TBC1D23: variants seen among roughly 807,000 people sequenced by gnomAD.
TBC1D23 encodes TBC1 domain family member 23, also known as HCV non-structural protein 4A-transactivated protein 1.
A neutral mutation model predicts 91.4 loss-of-function variants in TBC1D23; 55 were observed. The observed-to-expected ratio is 0.60, with a 90% confidence interval of 0.48 to 0.75. The LOEUF (loss-of-function observed/expected upper bound fraction) is 0.75, where lower values mean the gene tolerates loss of function less well. TBC1D23 is among the 30% of genes least tolerant of loss of function. TBC1D23 has a pLI of 0.00. For missense variants in TBC1D23, 725 were observed against 836.1 expected (o/e 0.87, Z 1.64); for synonymous variants, 289 against 281.0 (o/e 1.03, Z -0.28).
chr3:100,293,295 G>A (rs949472205), intron 5 of TBC1D23, among the ~76,000 whole-genome samples: 6 of 152,092 alleles, frequency 3.9e-5, no homozygotes, highest in Admixed American at 1.3e-4. Flanking sequence ...CACCACACCC[G>A]GCTAATTTTT....
intron 9 of TBC1D23, 34 bp from the exon 10 acceptor site, chr3:100,299,205 A>G (rs2148863489): frequency 1.4e-6 from 2 of 1,436,548 alleles, no homozygotes; most frequent in African/African-American, 2.8e-5. Context: ...CCTCATGGGA[A>G]ATTCCTGTAT....
intron 1 of TBC1D23, among the ~76,000 whole-genome samples, chr3:100,278,074 G>A (rs747333602): frequency 1.3e-5 from 2 of 152,176 alleles, no homozygotes; most frequent in Non-Finnish European, 2.9e-5. Flanking sequence ...TCTCTTAGGA[G>A]AGCAACGCTT....
rs1469372767 is a variant in TBC1D23 at position 100,324,275 on chromosome 3, C to T, written c.*607C>T. 1 of 152,118 alleles carries T rather than the reference C, an allele frequency of 6.6e-6. No homozygotes were observed. The highest frequency in any genetic ancestry group is 1.5e-5 in the Non-Finnish European group (1 of 67,992). The allele number at this position is 152,118 out of a possible 1,614,324, so 9.4% of individuals were successfully genotyped here. Reference sequence around the variant, plus strand: ...ATCAGTTTCTAAATCACCTTTGCTCCATTAGCTAATTTTTTGGACACTAAA... The same window carrying T: ...ATCAGTTTCTAAATCACCTTTGCTCTATTAGCTAATTTTTTGGACACTAAA... On this transcript the variant is annotated 3_prime_UTR_variant, in exon 19 of 19. Transcript: ENST00000394144.
At chr3:100,314,875 A>G (rs1363646826) in intron 15 of TBC1D23, among the ~76,000 whole-genome samples, 2 of 152,162 alleles carry the variant, frequency 1.3e-5, no homozygotes, top group Non-Finnish European at 2.9e-5. Flanking sequence ...GAGTGTTTTC[A>G]TGTTACATGC....
intron 16 of TBC1D23, among the ~76,000 whole-genome samples, chr3:100,317,759 A>C (rs1705775924): frequency 1.3e-5 from 2 of 151,998 alleles, no homozygotes; most frequent in Non-Finnish European, 2.9e-5. Flanking sequence ...GGATGAATAA[A>C]TTGTGTCATA....
chr3:100,264,263 CATCCGGGTGT>C (rs960632390), intron 1 of TBC1D23, among the ~76,000 whole-genome samples: 9 of 152,294 alleles, frequency 5.9e-5, no homozygotes, highest in African/African-American at 1.9e-4. Flanking sequence ...GTGCCCCATC[CATCCGGGTGT>C]TCTACTCTGT....
intron 1 of TBC1D23, among the ~76,000 whole-genome samples, chr3:100,268,527 T>C (rs1221130192): frequency 1.3e-5 from 2 of 152,208 alleles, no homozygotes; most frequent in Non-Finnish European, 2.9e-5. Context: ...ATAACAACTA[T>C]GTTTCTGAAA....
intron 2 of TBC1D23, among the ~76,000 whole-genome samples, chr3:100,281,116 C>T (rs971566482): frequency 2.8e-4 from 42 of 152,178 alleles, no homozygotes; most frequent in African/African-American, 9.2e-4. Flanking sequence ...GAGCCGAGAT[C>T]GTGCCACTAT....
chr3:100,290,016 A>G (rs534334273), intron 4 of TBC1D23, among the ~76,000 whole-genome samples: 2 of 152,318 alleles, frequency 1.3e-5, no homozygotes, highest in Non-Finnish European at 2.9e-5. Context: ...TGCTCTCACA[A>G]TAACCCTTAG....
chr3:100,309,213 C>T (rs1332219708), intron 13 of TBC1D23, among the ~76,000 whole-genome samples: 2 of 152,116 alleles, frequency 1.3e-5, no homozygotes, highest in Admixed American at 1.3e-4. Context: ...GAATTATACT[C>T]GCATCTCTTA....
chr3:100,290,504 C>A, intron 4 of TBC1D23, 74 bp from the exon 5 acceptor site: 3 of 1,359,800 alleles, frequency 2.2e-6, no homozygotes, highest in Non-Finnish European at 2.1e-6. Context: ...GAGGGTATAG[C>A]AGGAAGATTG....
chr3:100,282,709 A>T (rs919954684), intron 3 of TBC1D23, among the ~76,000 whole-genome samples: 2 of 152,236 alleles, frequency 1.3e-5, no homozygotes, highest in Non-Finnish European at 2.9e-5. Context: ...CAGAAACATT[A>T]TTGCTGGTGT....
intron 15 of TBC1D23, among the ~76,000 whole-genome samples, chr3:100,315,154 C>CTT (rs397705981): frequency 8.4e-4 from 62 of 73,660 alleles, no homozygotes; most frequent in South Asian, 1.8e-3. Flanking sequence ...GAGGCAGATT[C>CTT]TTTTTTTTTT....
intron 1 of TBC1D23, among the ~76,000 whole-genome samples, chr3:100,274,894 A>C (rs1028572566): frequency 4.9e-4 from 64 of 131,882 alleles, no homozygotes; most frequent in East Asian, 8.5e-4. Context: ...TACAGTACAC[A>C]CCCCCCCCCT....
At position 100,274,803 on chromosome 3, in the gene TBC1D23, T is replaced by C. The variant is rs148019745; in HGVS notation, c.54-4846T>C. 1.7e-3 allele frequency among the ~76,000 whole-genome samples: 259 copies of C among 148,264 alleles called. 4 individuals are homozygous for C. In the East Asian group the frequency reaches 0.044, roughly 25 times the overall value. On this transcript the variant is annotated intron_variant, in intron 1 of 18. Coordinates refer to ENST00000394144, the MANE Select transcript of TBC1D23 (RefSeq NM_001199198.3). Reference sequence around the variant, plus strand: ...TATTCTATAATATGTAATTAACTTATTAATTACATATATAAATTAATAAAC... The same window carrying C: ...TATTCTATAATATGTAATTAACTTACTAATTACATATATAAATTAATAAAC...
At chr3:100,315,088 A>G (rs185852042) in intron 15 of TBC1D23, among the ~76,000 whole-genome samples, 58 of 151,238 alleles carry the variant, frequency 3.8e-4, no homozygotes, top group East Asian at 1.2e-3. Flanking sequence ...CACACTTCCT[A>G]TAGACCTAAT....
At chr3:100,319,424 A>G (rs1705810929) in intron 17 of TBC1D23, among the ~76,000 whole-genome samples, 1 of 146,164 alleles carries the variant, frequency 6.8e-6, no homozygotes, top group African/African-American at 2.4e-5. Context: ...GAACACCCTT[A>G]TGATTCTTTT....
chr3:100,283,729 C>T lies in TBC1D23; in HGVS notation c.394C>T (p.Leu132=), dbSNP rs2067716326. 38 of 1,612,904 alleles carry T rather than the reference C, an allele frequency of 2.4e-5. No individual in the cohort carries two copies. Among genetic ancestry groups the T allele is most frequent in the Non-Finnish European group, 3.1e-5 (37 of 1,179,014 alleles). The change falls in exon 4 of 19, where the codon CTG becomes TTG. Residue 132 remains leucine (L), a synonymous_variant. Coordinates refer to ENST00000394144, the MANE Select transcript of TBC1D23 (RefSeq NM_001199198.3). ...CACATCCCTTAGCTGGATACATCTA[C>T]TGAAACCATTGGTGCATCTTCAACT... The part of the protein sequence containing the change: ...YSTSLSWIHL[L]KPLVHLQLPR...
At chr3:100,286,501 C>CTTTTTTTTTTTTT (rs11370481) in intron 4 of TBC1D23, among the ~76,000 whole-genome samples, 1 of 146,364 alleles carries the variant, frequency 6.8e-6, no homozygotes, top group Non-Finnish European at 1.5e-5. Context: ...AACATATCTT[C>CTTTTTTTTTTTTT]TTTTTTTTTT....
Sources: gnomAD v4.1 joint callset for allele counts (sites outside exome capture counted in the v4.1 genomes callset) on GRCh38, gnomAD v4.1.1 for gene constraint, MANE v1.5 for transcripts, NCBI Gene and HGNC (gene_info 2026-07-23, HGNC 2026-07-21) for gene names.